Variants in PCDHGB5 observed in about 807,000 individuals in gnomAD.
PCDHGB5 encodes the protein protocadherin gamma subfamily B, 5.
In PCDHGB5, 48 loss-of-function variants were observed where a neutral mutation model predicts 62.9. That is an observed-to-expected ratio of 0.76 (90% confidence interval 0.61 to 0.97). PCDHGB5 has a LOEUF of 0.97. Ranked by LOEUF, PCDHGB5 falls within the 50% of genes least tolerant of loss-of-function variation. The probability of loss-of-function intolerance (pLI) is 0.00; values close to 1 mark genes in which losing one functional copy is unlikely to be tolerated. For missense variants in PCDHGB5, 1,118 were observed against 1,198.6 expected, an observed-to-expected ratio of 0.93 and a Z score of 0.99; for synonymous variants, 474 against 511.2, an observed-to-expected ratio of 0.93 and a Z score of 0.98.
intron 1 of PCDHGB5, chr5:141,409,680 C>T (rs756713114): frequency 1.9e-6 from 3 of 1,613,242 alleles, no homozygotes; most frequent in African/African-American, 1.3e-5. Context: ...TCTATAGTGG[C>T]GAGTGACCTA....
chr5:141,489,061 C>A lies in PCDHGB5; in HGVS notation c.2398-5746C>A. On this transcript the variant is annotated intron_variant, in intron 1 of 3. Coordinates refer to ENST00000617380, the MANE Select transcript of PCDHGB5 (RefSeq NM_018925.3). This position sits in a 1 kb window ranked among gnomAD's most constrained non-coding sequence, Gnocchi z 4.5. ...AGCTCCACTCAAATTCAGCTCCCCT[C>A]CCCCCTGCCCACCCCCGCCACTCGG... 5 of 347,080 alleles carry A rather than the reference C, an allele frequency of 1.4e-5. No individual in the cohort carries two copies. The highest frequency in any genetic ancestry group is 2.2e-5 in the African/African-American group (1 of 46,422). 21.5% of individuals were successfully genotyped at this position (347,080 alleles called of 1,614,324 possible). A position where few individuals can be genotyped will look rare whatever the true frequency, so the allele number is the denominator to read the frequency against.
intron 1 of PCDHGB5, chr5:141,410,439 G>C: frequency 6.2e-7 from 1 of 1,614,008 alleles, no homozygotes; most frequent in Non-Finnish European, 8.5e-7. Context: ...TACAGTGAGG[G>C]GACTTTGCCT....
Position 141,493,022 on chromosome 5 carries a change from G to T in PCDHGB5, c.2398-1785G>T, listed in dbSNP as rs1184742888. ...GCTATAGGCTCTGCCAGATGCCAGG[G>T]TGCCCTTATGTGTGAGGAAACTACA... On this transcript the variant is annotated intron_variant, in intron 1 of 3. Transcript: ENST00000617380. The surrounding 1 kb of genome is among the most constrained non-coding windows in gnomAD (Gnocchi z 4.3). Among the ~76,000 whole-genome samples the T allele has an allele frequency of 1.3e-5, 2 of 152,222 alleles. No individual in the cohort carries two copies. Among genetic ancestry groups the T allele is most frequent in the Admixed American group, 1.3e-4 (2 of 15,282 alleles).
At position 141,494,852 on chromosome 5, in the gene PCDHGB5, C is replaced by T. The variant is rs755464933; in HGVS notation, c.2443C>T (p.Pro815Ser). ...TDWRFSQAQR[P>S]GTSGSQNGDD... is the part of the protein sequence containing the mutation. Reference sequence around the variant, plus strand: ...CTGGCGTTTCTCTCAGGCCCAGAGACCCGGCACCAGCGGGTAGGTGACTGA... The same window carrying T: ...CTGGCGTTTCTCTCAGGCCCAGAGATCCGGCACCAGCGGGTAGGTGACTGA... The change falls in exon 2 of 4, where the codon CCC (proline) becomes TCC (serine). Residue 815 changes from proline (P) to serine (S), a missense_variant. This residue lies in a region of PCDHGB5 where 1,034 missense variants were observed against 1,029.1 expected (regional missense o/e 1.00). Coordinates refer to ENST00000617380, the MANE Select transcript of PCDHGB5 (RefSeq NM_018925.3). 6 of 1,614,042 alleles carry T rather than the reference C, an allele frequency of 3.7e-6. No homozygotes were observed. Among genetic ancestry groups the T allele is most frequent in the Admixed American group, 1.7e-5 (1 of 60,000 alleles).
rs1468210173 is a variant in PCDHGB5 at position 141,512,170 on chromosome 5, A to T, written c.*997A>T. 1 of 152,720 alleles carries T rather than the reference A, an allele frequency of 6.5e-6. No homozygotes were observed. The highest frequency in any genetic ancestry group is 1.5e-5 in the Non-Finnish European group (1 of 68,120). The allele number at this position is 152,720 out of a possible 1,614,324, so 9.5% of individuals were successfully genotyped here. On this transcript the variant is annotated 3_prime_UTR_variant, in exon 4 of 4. Coordinates refer to ENST00000617380, the MANE Select transcript of PCDHGB5 (RefSeq NM_018925.3). ...TGGGCTGAGCTAACAGGACCAATGG[A>T]TTAAACTGGCATTTCAGTCCAAGGA...
intron 1 of PCDHGB5, among the ~76,000 whole-genome samples, chr5:141,435,264 T>C (rs1442193276): frequency 5.3e-5 from 8 of 152,222 alleles, no homozygotes; most frequent in Non-Finnish European, 8.8e-5. Context: ...GATATGTCCA[T>C]TTATACTTTC....
At chr5:141,424,094 A>G (rs1036391991) in intron 1 of PCDHGB5, 11 of 864,422 alleles carry the variant, frequency 1.3e-5, no homozygotes, top group Non-Finnish European at 1.4e-5. Context: ...ATTATTTGCT[A>G]TTACTGCTAA....
At chr5:141,453,989 A>T (rs902043628) in intron 1 of PCDHGB5, among the ~76,000 whole-genome samples, 6 of 152,256 alleles carry the variant, frequency 3.9e-5, no homozygotes, top group African/African-American at 1.4e-4. Context: ...CCTTCCAGTG[A>T]TAAACCCACA....
At chr5:141,410,362 C>A (rs1270552318) in intron 1 of PCDHGB5, 13 of 1,613,954 alleles carry the variant, frequency 8.1e-6, no homozygotes, top group Non-Finnish European at 1.0e-5. Context: ...GCTCTCTCAG[C>A]CCTGCTACTT....
chr5:141,484,552 G>T (rs2099597743), intron 1 of PCDHGB5, among the ~76,000 whole-genome samples: 1 of 152,138 alleles, frequency 6.6e-6, no homozygotes, highest in African/African-American at 2.4e-5. Context: ...CTAATTAGCA[G>T]TTGCTCCAAT....
chr5:141,507,478 C>A (rs933478897), intron 3 of PCDHGB5, among the ~76,000 whole-genome samples: 3 of 152,158 alleles, frequency 2.0e-5, no homozygotes, highest in Non-Finnish European at 4.4e-5. Context: ...GGACTGCTGG[C>A]CTCCTGAGGC....
chr5:141,483,501 G>A (rs1022338958), intron 1 of PCDHGB5, among the ~76,000 whole-genome samples: 2 of 150,394 alleles, frequency 1.3e-5, no homozygotes, highest in Admixed American at 1.3e-4. Context: ...ATGAGTCAAG[G>A]CTGATCCCCC....
rs1240258760 is a variant in PCDHGB5 at position 141,423,933 on chromosome 5, GAAGT to G, written c.2397+23414_2397+23417del. On this transcript the variant is annotated intron_variant, in intron 1 of 3. Coordinates refer to ENST00000617380, the MANE Select transcript of PCDHGB5 (RefSeq NM_018925.3). The stretch of plus-strand genomic sequence containing the variant: ...CCATTCAACTATGCTGGTTTGGTTT[GAAGT>G]AAGTTGAATTTTAGTATTATTTTTC... 5 of 1,226,500 alleles carry G rather than the reference GAAGT, an allele frequency of 4.1e-6. No homozygotes were observed. The African/African-American group carries it at 7.9e-5, about 19-fold the overall frequency. The allele number at this position is 1,226,500 out of a possible 1,614,324, so 76.0% of individuals were successfully genotyped here. A position where few individuals can be genotyped will look rare whatever the true frequency, so the allele number is the denominator to read the frequency against.
chr5:141,431,726 G>C lies in PCDHGB5; in HGVS notation c.2397+31202G>C. On this transcript the variant is annotated intron_variant, in intron 1 of 3. Coordinates refer to ENST00000617380, the MANE Select transcript of PCDHGB5 (RefSeq NM_018925.3). The surrounding 1 kb of genome is among the most constrained non-coding windows in gnomAD (Gnocchi z 4.8). ...CTACCAGATGGAAGTGCAAGCAATG[G>C]ATAATGCAGGATATTCTGCGCGAGC... The C allele has an allele frequency of 6.2e-7, 1 of 1,614,204 alleles. No homozygotes were observed. Among genetic ancestry groups the C allele is most frequent in the Non-Finnish European group, 8.5e-7 (1 of 1,180,032 alleles).
At chr5:141,474,920 C>A (rs1363277892) in intron 1 of PCDHGB5, among the ~76,000 whole-genome samples, 2 of 152,232 alleles carry the variant, frequency 1.3e-5, no homozygotes, top group Admixed American at 6.5e-5. Context: ...TACATCTCAT[C>A]TCTGGCTTAT....
intron 1 of PCDHGB5, among the ~76,000 whole-genome samples, chr5:141,482,757 T>G: frequency 7.9e-6 from 1 of 127,194 alleles, no homozygotes; most frequent in Admixed American, 7.7e-5. Flanking sequence ...GATTATGGTA[T>G]TTCATTATCA....
intron 1 of PCDHGB5, chr5:141,421,959 A>T: frequency 6.2e-7 from 1 of 1,612,798 alleles, no homozygotes; most frequent in Non-Finnish European, 8.5e-7. Flanking sequence ...CAATGTTTAC[A>T]CAGTCCGTAT....
chr5:141,419,461 C>T, intron 1 of PCDHGB5: 2 of 1,612,628 alleles, frequency 1.2e-6, no homozygotes, highest in Non-Finnish European at 1.7e-6. Flanking sequence ...CGCTGCAGGC[C>T]CGCGACCAGG....
At chr5:141,414,890 C>T in intron 1 of PCDHGB5, 5 of 1,614,232 alleles carry the variant, frequency 3.1e-6, no homozygotes, top group Non-Finnish European at 4.2e-6. Context: ...CCCGCCCTCC[C>T]CACAGACGGT....
Sources: gnomAD v4.1 joint callset for allele counts (sites outside exome capture counted in the v4.1 genomes callset) on GRCh38, gnomAD v4.1.1 for gene constraint, gnomAD v4.1.1 regional missense constraint, Gnocchi (gnomAD v3.1) non-coding constraint, MANE v1.5 for transcripts, NCBI Gene and HGNC (gene_info 2026-07-23, HGNC 2026-07-21) for gene names.